Variants in PHACTR4 observed in about 807,000 individuals in gnomAD.
The protein encoded by PHACTR4 is protein phosphatase 1, regulatory subunit 124.
In PHACTR4, 51 loss-of-function variants were observed where a neutral mutation model predicts 72.7. The observed-to-expected ratio is 0.70, with a 90% CI of 0.56 to 0.89. The LOEUF (loss-of-function observed/expected upper bound fraction) is 0.89, where lower values mean the gene tolerates loss of function less well. Ranked by LOEUF, PHACTR4 falls within the 40% of genes least tolerant of loss-of-function variation. The pLI, the probability that PHACTR4 is intolerant of heterozygous loss-of-function variation, is 0.00. For synonymous variants in PHACTR4, 255 were observed against 302.5 expected, an observed-to-expected ratio of 0.84 and a Z score of 1.63; for missense variants, 731 against 861.8, an observed-to-expected ratio of 0.85 and a Z score of 1.90.
intron 2 of PHACTR4, among the ~76,000 whole-genome samples, chr1:28,409,531 A>C (rs1380893654): frequency 1.3e-5 from 2 of 152,220 alleles, no homozygotes; most frequent in African/African-American, 4.8e-5. Flanking sequence ...AATCAGAGGC[A>C]GTTTTACTTG....
chr1:28,462,153 A>G (rs962829210), intron 4 of PHACTR4, among the ~76,000 whole-genome samples: 2 of 151,974 alleles, frequency 1.3e-5, no homozygotes, highest in African/African-American at 2.4e-5. Flanking sequence ...GATTACAGGC[A>G]TCCGCCACCA....
chr1:28,477,396 C>T (rs1346331924), intron 8 of PHACTR4, among the ~76,000 whole-genome samples: 6 of 151,596 alleles, frequency 4.0e-5, no homozygotes, highest in Non-Finnish European at 8.8e-5. Flanking sequence ...TGTTATTGAA[C>T]TCCTGACCTC....
intron 1 of PHACTR4, among the ~76,000 whole-genome samples, chr1:28,388,493 G>A (rs1652746630): frequency 6.6e-6 from 1 of 152,190 alleles, no homozygotes; most frequent in African/African-American, 2.4e-5. Flanking sequence ...AGTAAATGAT[G>A]TTGGGTAAAG....
At position 28,474,163 on chromosome 1, in the gene PHACTR4, T is replaced by C; in HGVS notation, c.1421+12T>C. ...GAAATGCTAAAAGTGTAAGTGCCTT[T>C]AAAGCTTGCCTCTTATTTCTCCTTT... On this transcript the variant is annotated intron_variant, in intron 7 of 13. Transcript: ENST00000373839. 1 of 1,586,068 alleles carries C rather than the reference T, an allele frequency of 6.3e-7. No homozygotes were observed. The highest frequency in any genetic ancestry group is 8.6e-7 in the Non-Finnish European group (1 of 1,164,354).
In PHACTR4 at chr1:28,480,793, A is replaced by G. The variant is rs1660233817; in HGVS notation, c.1760+189A>G. On this transcript the variant is annotated intron_variant, in intron 9 of 13. Coordinates refer to ENST00000373839, the MANE Select transcript of PHACTR4 (RefSeq NM_001048183.3). Reference sequence around the variant, plus strand: ...AACCTCCACCTCCCAGGTTCGAGCAATTCTCCTGCATCAGTCTCCTGAGTA... The same window carrying G: ...AACCTCCACCTCCCAGGTTCGAGCAGTTCTCCTGCATCAGTCTCCTGAGTA... 1.3e-5 allele frequency among the ~76,000 whole-genome samples: 2 copies of G among 150,588 alleles called. 1 individual carries two copies. The highest frequency in any genetic ancestry group is 4.2e-4 in the South Asian group (2 of 4,756).
intron 1 of PHACTR4, among the ~76,000 whole-genome samples, chr1:28,393,680 TAC>T (rs146829996): frequency 0.11 from 16,397 of 151,188 alleles, 1,857 homozygotes; most frequent in African/African-American, 0.29. Flanking sequence ...GTATTCCTTC[TAC>T]ACACACACAC....
At chr1:28,496,169 G>A (rs1437010900) in intron 13 of PHACTR4, among the ~76,000 whole-genome samples, 3 of 146,868 alleles carry the variant, frequency 2.0e-5, no homozygotes, top group African/African-American at 7.6e-5. Flanking sequence ...CCATTCTCCT[G>A]CCTCAGCCTC....
intron 2 of PHACTR4, among the ~76,000 whole-genome samples, chr1:28,455,198 C>CTTTCTTTTTTTTTTT (rs1250815977): frequency 1.2e-5 from 1 of 85,972 alleles, no homozygotes; most frequent in African/African-American, 5.6e-5. Context: ...TTCTTTCTTT[C>CTTTCTTTTTTTTTTT]TTTTTTTTTT....
chr1:28,466,696 C>T lies in PHACTR4; in HGVS notation c.751C>T (p.His251Tyr). The T allele has an allele frequency of 6.2e-7, 1 of 1,614,088 alleles. No homozygotes were observed. The highest frequency in any genetic ancestry group is 1.3e-5 in the African/African-American group (1 of 75,060). ...TNTTATPSLTHMVPAKQPPIP... is the reference protein window; with the variant it reads ...TNTTATPSLTYMVPAKQPPIP... The stretch of plus-strand genomic sequence containing the variant: ...CACTACTGCTACCCCAAGCCTCACT[C>T]ATATGGTCCCTGCCAAGCAGCCCCC... The change falls in exon 6 of 14, where the codon CAT (histidine) becomes TAT (tyrosine). Residue 251 changes from histidine to tyrosine, a missense_variant. Around this residue, in one of 2 missense-constraint regions of PHACTR4, gnomAD observed 621 missense variants for 676.6 expected, o/e 0.92. Transcript: ENST00000373839.
intron 9 of PHACTR4, among the ~76,000 whole-genome samples, chr1:28,488,411 G>A (rs933224193): frequency 6.6e-6 from 1 of 152,200 alleles, no homozygotes; most frequent in African/African-American, 2.4e-5. Context: ...GCAGGAGAAT[G>A]TCATGAACCC....
At chr1:28,491,325 G>T (rs144514075) in intron 11 of PHACTR4, among the ~76,000 whole-genome samples, 19 of 152,130 alleles carry the variant, frequency 1.2e-4, no homozygotes, top group Admixed American at 2.6e-4. Flanking sequence ...AGGCATGGTG[G>T]TATGCGCCTG....
intron 10 of PHACTR4, chr1:28,489,801 G>C (rs1038722899): frequency 5.8e-6 from 3 of 518,928 alleles, no homozygotes; most frequent in South Asian, 4.2e-5. Context: ...GGCCTTAAAA[G>C]TCTCCTCACT....
chr1:28,407,527 G>C lies in PHACTR4; in HGVS notation c.16+64G>C, dbSNP rs1654439417. The C allele has an allele frequency of 2.1e-6, 3 of 1,448,252 alleles. No individual in the cohort carries two copies. In the East Asian group the frequency reaches 6.9e-5, roughly 33 times the overall value. The allele number at this position is 1,448,252 out of a possible 1,614,324, so 89.7% of individuals were successfully genotyped here. A position where few individuals can be genotyped will look rare whatever the true frequency, so the allele number is the denominator to read the frequency against. On this transcript the variant is annotated intron_variant, in intron 2 of 13. Coordinates refer to ENST00000373839, the MANE Select transcript of PHACTR4 (RefSeq NM_001048183.3). ...CTGTTTTATCCTCACCTCCATTAAAGCTTTGAGAGTAAATTGGTTTTTTTT... is the reference window on the plus strand; with the variant it reads ...CTGTTTTATCCTCACCTCCATTAAACCTTTGAGAGTAAATTGGTTTTTTTT...
chr1:28,457,605 A>AAATAAT (rs924274491), intron 2 of PHACTR4, among the ~76,000 whole-genome samples: 1 of 151,512 alleles, frequency 6.6e-6, no homozygotes, highest in African/African-American at 2.4e-5. Flanking sequence ...CCTGTTTCTA[A>AAATAAT]AATAATAATA....
chr1:28,454,489 C>T (rs1240537072), intron 2 of PHACTR4, among the ~76,000 whole-genome samples: 1 of 151,918 alleles, frequency 6.6e-6, no homozygotes, highest in African/African-American at 2.4e-5. Context: ...TGGTCTCGAT[C>T]TCCTGACCTC....
intron 2 of PHACTR4, among the ~76,000 whole-genome samples, chr1:28,455,686 G>A (rs1658339139): frequency 1.3e-5 from 2 of 152,142 alleles, no homozygotes; most frequent in African/African-American, 4.8e-5. Flanking sequence ...ACCTCCTGGA[G>A]ATTCTGTATT....
chr1:28,466,699 A>G lies in PHACTR4; in HGVS notation c.754A>G (p.Met252Val). Residue 252 changes from methionine to valine, a missense_variant, in exon 6 of 14, where the codon ATG (methionine) becomes GTG (valine). Coordinates refer to ENST00000373839, the MANE Select transcript of PHACTR4 (RefSeq NM_001048183.3). ...NTTATPSLTH[M>V]VPAKQPPIPP... is the part of the protein sequence containing the mutation. Reference sequence around the variant, plus strand: ...TACTGCTACCCCAAGCCTCACTCATATGGTCCCTGCCAAGCAGCCCCCTAT... The same window carrying G: ...TACTGCTACCCCAAGCCTCACTCATGTGGTCCCTGCCAAGCAGCCCCCTAT... 1.2e-6 allele frequency: 2 copies of G among 1,613,964 alleles called. No individual in the cohort carries two copies. The highest frequency in any genetic ancestry group is 1.7e-6 in the Non-Finnish European group (2 of 1,180,012).
At chr1:28,450,351 A>C (rs982387537) in intron 2 of PHACTR4, among the ~76,000 whole-genome samples, 2 of 152,044 alleles carry the variant, frequency 1.3e-5, no homozygotes, top group African/African-American at 4.8e-5. Flanking sequence ...AAATGCCATA[A>C]CTAGTTTAAA....
Position 28,497,574 on chromosome 1 carries a change from A to G in PHACTR4, c.*1025A>G, listed in dbSNP as rs909567970. ...AAATCGGTTAGATGAGAAAGCATGT[A>G]TATTTTCTATATACAAAAACAAGAA... is the stretch of plus-strand genomic sequence containing the variant. On this transcript the variant is annotated 3_prime_UTR_variant, in exon 14 of 14. Coordinates refer to ENST00000373839, the MANE Select transcript of PHACTR4 (RefSeq NM_001048183.3). 1.0e-4 allele frequency: 15 copies of G among 150,226 alleles called. No homozygotes were observed. Among genetic ancestry groups the G allele is most frequent in the Admixed American group, 8.0e-4 (12 of 14,918 alleles). 9.3% of individuals were successfully genotyped at this position (150,226 alleles called of 1,614,324 possible). A position where few individuals can be genotyped will look rare whatever the true frequency, so the allele number is the denominator to read the frequency against.
Sources: allele counts gnomAD v4.1 joint callset (sites outside exome capture counted in the v4.1 genomes callset), GRCh38; gene constraint gnomAD v4.1.1; regional missense constraint gnomAD v4.1.1; transcripts MANE v1.5; gene names NCBI Gene and HGNC (gene_info 2026-07-23, HGNC 2026-07-21).